The following TENM3 variants were observed in gnomAD, a reference collection of about 807,000 sequenced individuals.
TENM3 encodes teneurin-3.
A neutral mutation model predicts 255.1 loss-of-function variants in TENM3; 63 were observed. The observed-to-expected ratio is 0.25, with a 90% CI of 0.20 to 0.30. TENM3 has a LOEUF of 0.30. Ranked by LOEUF, TENM3 falls within the 10% of genes least tolerant of loss-of-function variation. The probability of loss-of-function intolerance (pLI) is 1.00; values close to 1 mark genes in which losing one functional copy is unlikely to be tolerated. For missense variants in TENM3, 2,929 were observed against 3,461.1 expected (o/e 0.85, Z 3.86); for synonymous variants, 1,306 against 1,322.3 (o/e 0.99, Z 0.27).
intron 24 of TENM3, among the ~76,000 whole-genome samples, chr4:182,783,028 T>C (rs1366626678): frequency 6.6e-5 from 10 of 150,494 alleles, no homozygotes; most frequent in African/African-American, 2.4e-4. Context: ...GTCTGTGTCT[T>C]TTAATTGGAG....
chr4:182,506,532 G>A (rs1736836539), intron 3 of TENM3, among the ~76,000 whole-genome samples: 2 of 151,946 alleles, frequency 1.3e-5, no homozygotes, highest in Non-Finnish European at 2.9e-5. Context: ...AATTTGTCTG[G>A]TATGTGTATT....
the TENM3 span, among the ~76,000 whole-genome samples, chr4:181,849,646 G>A: frequency 6.6e-6 from 1 of 152,130 alleles, no homozygotes; most frequent in Non-Finnish European, 1.5e-5. Context: ...GCTAATGGAA[G>A]ATGGTGTCAT....
At chr4:182,536,039 TAGGAAACTCCAAA>T (rs888475517) in intron 3 of TENM3, among the ~76,000 whole-genome samples, 3 of 152,216 alleles carry the variant, frequency 2.0e-5, no homozygotes, top group Admixed American at 2.0e-4. Context: ...GTCCAATATG[TAGGAAACTCCAAA>T]TGGGAATTGA....
the TENM3 span, among the ~76,000 whole-genome samples, chr4:182,114,706 GC>G: frequency 6.6e-6 from 1 of 152,080 alleles, no homozygotes; most frequent in Admixed American, 6.6e-5. Flanking sequence ...GTACTATTGG[GC>G]AAAATCCCCA....
At chr4:182,521,980 T>A (rs1463325759) in intron 3 of TENM3, among the ~76,000 whole-genome samples, 1 of 152,200 alleles carries the variant, frequency 6.6e-6, no homozygotes, top group Non-Finnish European at 1.5e-5. Flanking sequence ...TATATGACGT[T>A]CTAACTCAGA....
chr4:182,167,519 T>C (rs1751798924), intron 1 of TENM3, among the ~76,000 whole-genome samples: 1 of 152,148 alleles, frequency 6.6e-6, no homozygotes, highest in Non-Finnish European at 1.5e-5. Context: ...AAAGAATACA[T>C]TAAAGAAAAA....
intron 3 of TENM3, among the ~76,000 whole-genome samples, chr4:182,409,616 C>T (rs577897534): frequency 5.6e-4 from 85 of 152,178 alleles, no homozygotes; most frequent in African/African-American, 2.0e-3. Flanking sequence ...CTGCCTCAGC[C>T]GTCTACTGAC....
the TENM3 span, chr4:181,522,778 T>C: frequency 1.3e-6 from 1 of 788,550 alleles, no homozygotes; most frequent in Non-Finnish European, 2.2e-6. Flanking sequence ...GGAGAACAAC[T>C]GGATCTGGAT....
chr4:181,796,957 G>A, the TENM3 span, among the ~76,000 whole-genome samples: 100 of 152,204 alleles, frequency 6.6e-4, 2 homozygotes, highest in African/African-American at 2.2e-3. Flanking sequence ...ATTTTTGGAC[G>A]TTGTGCTGTT....
chr4:181,569,712 T>C, the TENM3 span, among the ~76,000 whole-genome samples: 1 of 152,196 alleles, frequency 6.6e-6, no homozygotes, highest in Non-Finnish European at 1.5e-5. Flanking sequence ...ATTTCTGGTC[T>C]CAGGATAGTT....
At chr4:181,767,096 CA>C in the TENM3 span, among the ~76,000 whole-genome samples, 615 of 132,578 alleles carry the variant, frequency 4.6e-3, 7 homozygotes, top group Middle Eastern at 0.015. Context: ...ACTAAAAATA[CA>C]AAAAATTAGC....
Position 182,361,127 on chromosome 4 carries a change from C to T in TENM3, c.511+14198C>T, listed in dbSNP as rs558793104. On this transcript the variant is annotated intron_variant, in intron 3 of 27. Transcript: ENST00000511685. ...GATGGGCTTCCCTTTGTGGGTAACCCGACCTTTCTCTCTGGCTGCCCTTAA... is the reference window on the plus strand; with the variant it reads ...GATGGGCTTCCCTTTGTGGGTAACCTGACCTTTCTCTCTGGCTGCCCTTAA... Among the ~76,000 whole-genome samples the T allele has an allele frequency of 4.6e-5, 7 of 152,192 alleles. No homozygotes were observed. In the East Asian group the frequency reaches 9.7e-4, roughly 21 times the overall value.
At chr4:182,674,017 A>G (rs1755445266) in intron 7 of TENM3, among the ~76,000 whole-genome samples, 1 of 152,232 alleles carries the variant, frequency 6.6e-6, no homozygotes, top group Non-Finnish European at 1.5e-5. Flanking sequence ...TACCTACCAT[A>G]AAATTGGAAC....
chr4:181,989,087 C>A, the TENM3 span, among the ~76,000 whole-genome samples: 1 of 151,946 alleles, frequency 6.6e-6, no homozygotes, highest in Non-Finnish European at 1.5e-5. Context: ...ATATTTATTG[C>A]GGACCAGTGG....
chr4:182,038,940 C>A, the TENM3 span, among the ~76,000 whole-genome samples: 13 of 152,042 alleles, frequency 8.6e-5, no homozygotes, highest in African/African-American at 3.1e-4. Flanking sequence ...TCCATGTTGG[C>A]CAGGCTGGTC....
intron 3 of TENM3, among the ~76,000 whole-genome samples, chr4:182,509,622 A>C (rs1422500400): frequency 6.6e-6 from 1 of 152,200 alleles, no homozygotes; most frequent in African/African-American, 2.4e-5. Context: ...GAAGGATAGA[A>C]TTAAATCAAT....
chr4:182,736,021 A>G lies in TENM3; in HGVS notation c.2968-787A>G, dbSNP rs183026829. Among the ~76,000 whole-genome samples, 60 of 152,312 alleles carry G rather than the reference A, an allele frequency of 3.9e-4. No homozygotes were observed. The East Asian group carries it at 7.7e-3, about 20-fold the overall frequency. The stretch of plus-strand genomic sequence containing the variant: ...AAAAAAGTGTGAATTGATATGTTCT[A>G]TGTGCATTTAATAACATATTAGTTG... On this transcript the variant is annotated intron_variant, in intron 16 of 27. Transcript: ENST00000511685.
the TENM3 span, among the ~76,000 whole-genome samples, chr4:181,828,258 C>T: frequency 9.3e-4 from 141 of 152,296 alleles, no homozygotes; most frequent in Non-Finnish European, 1.7e-3. Context: ...CCCCTGACTG[C>T]GGCACCATCC....
chr4:182,696,277 A>G (rs1757391841), intron 12 of TENM3, among the ~76,000 whole-genome samples: 1 of 152,238 alleles, frequency 6.6e-6, no homozygotes, highest in South Asian at 2.1e-4. Flanking sequence ...AATGAAAAGT[A>G]AACTATCGCA....
Sources: gnomAD v4.1 joint callset for allele counts (sites outside exome capture counted in the v4.1 genomes callset) on GRCh38, gnomAD v4.1.1 for gene constraint, MANE v1.5 for transcripts, NCBI Gene and HGNC (gene_info 2026-07-23, HGNC 2026-07-21) for gene names.